POT1: variants seen among roughly 807,000 people sequenced by gnomAD.
The protein encoded by POT1 is protection of telomeres 1, also known as protection of telomeres protein 1.
Under a neutral mutation model 78.5 loss-of-function variants are expected in POT1, and 47 were observed. The observed-to-expected ratio is 0.60, with a 90% confidence interval of 0.47 to 0.76. The LOEUF (loss-of-function observed/expected upper bound fraction) is 0.76. POT1 is among the 30% of genes least tolerant of loss of function. The pLI, the probability that POT1 is intolerant of heterozygous loss-of-function variation, is 0.00. For synonymous variants in POT1, 259 were observed against 260.7 expected (o/e 0.99, Z 0.06); for missense variants, 646 against 749.9 (o/e 0.86, Z 1.62).
chr7:124,867,196 T>C (rs1014575592), intron 7 of POT1, among the ~76,000 whole-genome samples: 2 of 152,326 alleles, frequency 1.3e-5, no homozygotes, highest in Non-Finnish European at 2.9e-5. Context: ...ACCACCACTG[T>C]AGTCTAACGC....
At chr7:124,888,127 C>A (rs896071564) in intron 6 of POT1, among the ~76,000 whole-genome samples, 3 of 152,090 alleles carry the variant, frequency 2.0e-5, no homozygotes, top group African/African-American at 7.2e-5. Flanking sequence ...AGTCTTTAAT[C>A]CACATTGAAT....
At chr7:124,874,525 C>T (rs938947448) in intron 6 of POT1, among the ~76,000 whole-genome samples, 3 of 151,898 alleles carry the variant, frequency 2.0e-5, no homozygotes, top group Non-Finnish European at 4.4e-5. Flanking sequence ...TTGAGGTCCG[C>T]AGTTAAAGAC....
At chr7:124,844,163 T>G (rs1296925128) in intron 12 of POT1, among the ~76,000 whole-genome samples, 2 of 148,840 alleles carry the variant, frequency 1.3e-5, no homozygotes, top group Admixed American at 1.3e-4. Context: ...AGTTTCCCTC[T>G]TGTTGCCCAG....
intron 12 of POT1, among the ~76,000 whole-genome samples, chr7:124,843,918 A>T (rs1795093246): frequency 1.3e-5 from 2 of 152,158 alleles, no homozygotes; most frequent in Admixed American, 6.5e-5. Flanking sequence ...TCTCTGTATC[A>T]CTTAATTAGA....
chr7:124,844,047 C>T (rs1350156984), intron 12 of POT1, among the ~76,000 whole-genome samples: 1 of 151,594 alleles, frequency 6.6e-6, no homozygotes, highest in African/African-American at 2.4e-5. Flanking sequence ...TCTCACTTGC[C>T]TTTATCAGAG....
At chr7:124,918,098 C>A (rs1466463384) in intron 2 of POT1, among the ~76,000 whole-genome samples, 1 of 152,216 alleles carries the variant, frequency 6.6e-6, no homozygotes, top group Non-Finnish European at 1.5e-5. Flanking sequence ...CATGAGCCAG[C>A]AGGGCATGGC....
rs965192100 is a variant in POT1, at chr7:124,841,796, C to T, written c.1164-618G>A. 1.2e-4 allele frequency among the ~76,000 whole-genome samples: 18 copies of T among 151,804 alleles called. 1 individual carries two copies. The highest frequency in any genetic ancestry group is 7.2e-4 in the Admixed American group (11 of 15,254). ...TCCTTATTTGTTTAAAAAATGATCG[C>T]GGAGAGTGGTTTTATTTTACAAAGC... On this transcript the variant is annotated intron_variant, in intron 13 of 18. Transcript: ENST00000357628.
At chr7:124,915,780 C>T (rs1485536191) in intron 2 of POT1, 134 bp from the exon 3 acceptor site, 1 of 151,966 alleles carries the variant, frequency 6.6e-6, no homozygotes, top group African/African-American at 2.4e-5. Context: ...GTTCAAGTAA[C>T]TATTTTAAGA....
chr7:124,891,970 C>T (rs1287508498), intron 6 of POT1, among the ~76,000 whole-genome samples: 1 of 151,534 alleles, frequency 6.6e-6, no homozygotes, highest in Non-Finnish European at 1.5e-5. Flanking sequence ...CAGTATTCTG[C>T]ATTTGTTTAT....
chr7:124,841,075 T>C lies in POT1; in HGVS notation c.1267A>G (p.Ile423Val). ...CCTTTTTGATTTTTAGTGGTCCAGA[T>C]TTTTGAATCATATAATGATGTATTT... ...LQNTSLYDSK[I>V]WTTKNQKGRK... Residue 423 changes from isoleucine (I) to valine (V), a missense_variant, in exon 14 of 19, where the codon ATC becomes GTC. Physicochemically the swap from Ile to Val is conservative, Grantham distance 29. Coordinates refer to ENST00000357628, the MANE Select transcript of POT1 (RefSeq NM_015450.3). The C allele has an allele frequency of 6.2e-7, 1 of 1,612,672 alleles. No homozygotes were observed. Among genetic ancestry groups the C allele is most frequent in the Admixed American group, 1.7e-5 (1 of 60,010 alleles).
Position 124,873,112 on chromosome 7 carries a change from T to C in POT1, c.125-2071A>G, listed in dbSNP as rs1462722411. Among the ~76,000 whole-genome samples, 5 of 152,316 alleles carry C rather than the reference T, an allele frequency of 3.3e-5. No individual in the cohort carries two copies. The East Asian group carries it at 9.7e-4, about 29-fold the overall frequency. On this transcript the variant is annotated intron_variant, in intron 6 of 18. Transcript: ENST00000357628. ...TACAGTTTGCAAATATTTTCTCTCA[T>C]TCTTTACTCTGTTAATGTTGGCTGT...
Position 124,840,066 on chromosome 7 carries a change from G to A in POT1, c.1369+907C>T, listed in dbSNP as rs547816452. Reference sequence around the variant, plus strand: ...TAAGAGGAAGGTACAGAGATTTTCCGTATCCCCTTCTACCATACATGCTAG... The same window carrying A: ...TAAGAGGAAGGTACAGAGATTTTCCATATCCCCTTCTACCATACATGCTAG... On this transcript the variant is annotated intron_variant, in intron 14 of 18. Coordinates refer to ENST00000357628, the MANE Select transcript of POT1 (RefSeq NM_015450.3). Among the ~76,000 whole-genome samples the A allele has an allele frequency of 4.0e-5, 6 of 150,368 alleles. No individual in the cohort carries two copies. The South Asian group carries it at 1.0e-3, about 26-fold the overall frequency.
intron 15 of POT1, among the ~76,000 whole-genome samples, chr7:124,833,359 C>T (rs887504372): frequency 1.3e-5 from 2 of 152,130 alleles, no homozygotes; most frequent in African/African-American, 4.8e-5. Context: ...ATTTTTCAAT[C>T]AGGATTTACA....
At chr7:124,921,699 G>A (rs965430410) in intron 2 of POT1, among the ~76,000 whole-genome samples, 5 of 151,890 alleles carry the variant, frequency 3.3e-5, no homozygotes, top group Non-Finnish European at 4.4e-5. Context: ...GAGAGCAACA[G>A]AAATTACTCA....
At chr7:124,911,948 C>G (rs1385718076) in intron 3 of POT1, among the ~76,000 whole-genome samples, 2 of 152,004 alleles carry the variant, frequency 1.3e-5, no homozygotes, top group Non-Finnish European at 2.9e-5. Context: ...AATCCAAAAC[C>G]CTTATTTTAT....
chr7:124,841,087 A>G lies in POT1; in HGVS notation c.1255T>C (p.Tyr419His), dbSNP rs773811344. The G allele has an allele frequency of 3.7e-6, 6 of 1,612,620 alleles. No individual in the cohort carries two copies. Among genetic ancestry groups the G allele is most frequent in the South Asian group, 3.3e-5 (3 of 91,052 alleles). ...PDVKLQNTSL[Y>H]DSKIWTTKNQ... is the part of the protein sequence containing the mutation. The stretch of plus-strand genomic sequence containing the variant: ...TTAGTGGTCCAGATTTTTGAATCAT[A>G]TAATGATGTATTTTGTAGCTTGACA... Residue 419 changes from tyrosine to histidine, a missense_variant, in exon 14 of 19, where the codon TAT (tyrosine) becomes CAT (histidine). By Grantham distance (83) the Tyr-to-His change is moderately conservative. This residue lies in a region of POT1 where 394 missense variants were observed against 408.4 expected (regional missense o/e 0.96). Transcript: ENST00000357628.
At chr7:124,852,331 G>T (rs1208874042) in intron 10 of POT1, among the ~76,000 whole-genome samples, 1 of 152,062 alleles carries the variant, frequency 6.6e-6, no homozygotes, top group Non-Finnish European at 1.5e-5. Context: ...TAATTCCAAT[G>T]AATTAAAATG....
chr7:124,871,162 G>T, intron 6 of POT1, 121 bp from the exon 7 acceptor site: 5 of 747,918 alleles, frequency 6.7e-6, no homozygotes, highest in South Asian at 3.7e-5. Context: ...CTTCTAAGAG[G>T]ATTAAAACAG....
At chr7:124,877,232 T>C (rs1035035707) in intron 6 of POT1, among the ~76,000 whole-genome samples, 5 of 152,178 alleles carry the variant, frequency 3.3e-5, no homozygotes, top group African/African-American at 9.7e-5. Context: ...AACAAATCAA[T>C]GGCTTCAAAA....
Sources: allele counts gnomAD v4.1 joint callset (sites outside exome capture counted in the v4.1 genomes callset), GRCh38; gene constraint gnomAD v4.1.1; regional missense constraint gnomAD v4.1.1; transcripts MANE v1.5; gene names NCBI Gene and HGNC (gene_info 2026-07-23, HGNC 2026-07-21).